The following SLC25A26 variants were observed in gnomAD, a reference collection of about 807,000 sequenced individuals.
SLC25A26 encodes the protein solute carrier family 25 member 26.
In SLC25A26, 36 loss-of-function variants were observed where a neutral mutation model predicts 37.8. That is an observed-to-expected ratio of 0.95 (90% confidence interval 0.73 to 1.26). SLC25A26 has a LOEUF of 1.26. SLC25A26 is among the 50% of genes most tolerant of loss of function. SLC25A26 has a pLI of 0.00. For missense variants in SLC25A26, 390 were observed against 331.1 expected, an observed-to-expected ratio of 1.18 and a Z score of -1.38; for synonymous variants, 129 against 122.5, an observed-to-expected ratio of 1.05 and a Z score of -0.35.
At chr3:66,249,639 T>G (rs552182107) in intron 3 of SLC25A26, among the ~76,000 whole-genome samples, 1 of 152,386 alleles carries the variant, frequency 6.6e-6, no homozygotes, top group Admixed American at 6.5e-5. Flanking sequence ...TCTTTTGAAT[T>G]AATCATGCTT....
upstream of SLC25A26, among the ~76,000 whole-genome samples, chr3:66,216,744 G>A (rs2071367419): frequency 6.9e-6 from 1 of 145,020 alleles, no homozygotes; most frequent in South Asian, 2.3e-4. Flanking sequence ...TACAGTGATA[G>A]ATTTAAGTGA....
intron 2 of SLC25A26, among the ~76,000 whole-genome samples, chr3:66,239,401 G>C (rs1167269299): frequency 1.3e-5 from 2 of 151,976 alleles, no homozygotes; most frequent in Non-Finnish European, 2.9e-5. Flanking sequence ...TCCCAGAACA[G>C]GGCACTCTCA....
rs890117223 is a variant in SLC25A26 at position 66,205,329 on chromosome 3, C to T, written c.-353-15413C>T. Among the ~76,000 whole-genome samples, 6 of 152,274 alleles carry T rather than the reference C, an allele frequency of 3.9e-5. No individual in the cohort carries two copies. In the South Asian group the frequency reaches 1.2e-3, roughly 32 times the overall value. ...AAAATTTCCTGTCCCCAGAGTCTTACATCTTTCTCTGGTTAGGAAGCAGAT... is the reference window on the plus strand; with the variant it reads ...AAAATTTCCTGTCCCCAGAGTCTTATATCTTTCTCTGGTTAGGAAGCAGAT... On this transcript the variant is annotated intron_variant, in intron 1 of 10. Transcript: ENST00000676754.
intron 1 of SLC25A26, among the ~76,000 whole-genome samples, chr3:66,209,021 T>TAA (rs1466158639): frequency 1.1e-5 from 1 of 89,306 alleles, no homozygotes; most frequent in Non-Finnish European, 2.3e-5. Context: ...TATATATATA[T>TAA]ACACACCCAT....
At chr3:66,236,830 T>C (rs2072314763) in intron 2 of SLC25A26, 130 bp downstream of exon 2, 1 of 651,482 alleles carries the variant, frequency 1.5e-6, no homozygotes, top group Non-Finnish European at 2.3e-6. Flanking sequence ...TTTAACCTGG[T>C]GTCATTATTA....
intron 5 of SLC25A26, among the ~76,000 whole-genome samples, chr3:66,269,797 T>C (rs1472117682): frequency 6.6e-6 from 1 of 152,210 alleles, no homozygotes. Context: ...TCTCTGTGTA[T>C]GTTTGTGTGA....
At chr3:66,267,074 G>A (rs565134559) in intron 5 of SLC25A26, among the ~76,000 whole-genome samples, 77 of 152,296 alleles carry the variant, frequency 5.1e-4, no homozygotes, top group Admixed American at 3.4e-3. Context: ...CTGCCCTGAA[G>A]CATTCACTTT....
intron 5 of SLC25A26, among the ~76,000 whole-genome samples, chr3:66,328,902 G>T (rs1180954101): frequency 1.3e-5 from 2 of 152,054 alleles, no homozygotes; most frequent in Non-Finnish European, 2.9e-5. Context: ...CTCTTAGCAG[G>T]TGATTTACAG....
chr3:66,166,655 C>T (rs570522979), intron 1 of SLC25A26, among the ~76,000 whole-genome samples: 275 of 152,272 alleles, frequency 1.8e-3, no homozygotes, highest in African/African-American at 5.7e-3. Flanking sequence ...CATATTGGCA[C>T]TGTCTATTTG....
In SLC25A26 at chr3:66,249,286, C is replaced by T. The variant is rs59610568; in HGVS notation, c.300+5974C>T. 7.8e-3 allele frequency among the ~76,000 whole-genome samples: 1,192 copies of T among 152,284 alleles called. 19 individuals carry two copies. Among genetic ancestry groups the T allele is most frequent in the African/African-American group, 0.026 (1,096 of 41,536 alleles). ...AGGCAGCTTGTTTTATGGTTTAGCT[C>T]CTTTAGTAACTGACAAGGCCGTTGG... On this transcript the variant is annotated intron_variant, in intron 3 of 9. Transcript: ENST00000354883.
At chr3:66,212,792 T>G (rs2071302138) in intron 1 of SLC25A26, among the ~76,000 whole-genome samples, 1 of 152,204 alleles carries the variant, frequency 6.6e-6, no homozygotes, top group Admixed American at 6.5e-5. Flanking sequence ...TCAAGTTTCA[T>G]CCACATTGTA....
intron 6 of SLC25A26, among the ~76,000 whole-genome samples, chr3:66,357,072 AT>A (rs1299569456): frequency 6.6e-6 from 1 of 152,192 alleles, no homozygotes; most frequent in African/African-American, 2.4e-5. Flanking sequence ...AACTAAGAAC[AT>A]TTTTGACTTC....
chr3:66,153,640 T>C (rs1313332956), intron 1 of SLC25A26, among the ~76,000 whole-genome samples: 3 of 152,170 alleles, frequency 2.0e-5, no homozygotes, highest in Admixed American at 1.3e-4. Context: ...AGTCCAGAAA[T>C]AGCATCACGA....
chr3:66,309,790 T>C (rs1306071558), intron 5 of SLC25A26, among the ~76,000 whole-genome samples: 7 of 151,548 alleles, frequency 4.6e-5, no homozygotes, highest in African/African-American at 7.3e-5. Context: ...GCAGGTTGTT[T>C]CCGTGTAGTT....
At position 66,363,670 on chromosome 3, in the gene SLC25A26, A is replaced by C. The variant is rs114207861; in HGVS notation, c.568+741A>C. Among the ~76,000 whole-genome samples the C allele has an allele frequency of 2.5e-3, 384 of 152,356 alleles. 2 individuals carry two copies. Among genetic ancestry groups the C allele is most frequent in the African/African-American group, 9.1e-3 (377 of 41,590 alleles). Reference sequence around the variant, plus strand: ...GAAATACAATGGAAATTTGCCAGAAAAGGAAACTTTTAGTTGAGATGTGAA... The same window carrying C: ...GAAATACAATGGAAATTTGCCAGAACAGGAAACTTTTAGTTGAGATGTGAA... On this transcript the variant is annotated intron_variant, in intron 7 of 9. Coordinates refer to ENST00000354883, the MANE Select transcript of SLC25A26 (RefSeq NM_001379210.1).
At chr3:66,376,469 A>G (rs1314905476) in intron 9 of SLC25A26, among the ~76,000 whole-genome samples, 1 of 152,200 alleles carries the variant, frequency 6.6e-6, no homozygotes, top group Non-Finnish European at 1.5e-5. Context: ...AGCAGCCATC[A>G]TTCAAAGCAA....
At chr3:66,279,537 G>C (rs1000013420) in intron 5 of SLC25A26, among the ~76,000 whole-genome samples, 4 of 152,104 alleles carry the variant, frequency 2.6e-5, no homozygotes, top group South Asian at 2.1e-4. Context: ...GGTGGGGTCA[G>C]GTAATTATCT....
At position 66,346,391 on chromosome 3, in the gene SLC25A26, T is replaced by C; in HGVS notation, c.481T>C (p.Leu161=). 1 of 1,488,492 alleles carries C rather than the reference T, an allele frequency of 6.7e-7. No individual in the cohort carries two copies. Among genetic ancestry groups the C allele is most frequent in the South Asian group, 1.4e-5 (1 of 73,110 alleles). 92.2% of individuals were successfully genotyped at this position (1,488,492 alleles called of 1,614,324 possible). ...EIPFSLVQFP[L]WESLKALWSW... ...TCCTTTTTCTTTGGTCCAGTTTCCC[T>C]TATGGGAGTCCTTAAAAGTAAGTTT... The change falls in exon 6 of 10, where the codon TTA becomes CTA. Residue 161 remains leucine, a synonymous_variant. Transcript: ENST00000354883.
At chr3:66,367,497 G>T (rs2076848384) in intron 7 of SLC25A26, among the ~76,000 whole-genome samples, 1 of 152,188 alleles carries the variant, frequency 6.6e-6, no homozygotes. Context: ...GTAGAACTGG[G>T]ATTTAAGCGT....
Sources: gnomAD v4.1 joint callset for allele counts (sites outside exome capture counted in the v4.1 genomes callset) on GRCh38, gnomAD v4.1.1 for gene constraint, MANE v1.5 for transcripts, NCBI Gene and HGNC (gene_info 2026-07-23, HGNC 2026-07-21) for gene names.